The following RESF1 variants were observed in gnomAD, a reference collection of about 807,000 sequenced individuals.
The protein encoded by RESF1 is gonad expressed transcript.
A neutral mutation model predicts 134.7 loss-of-function variants in RESF1; 65 were observed. The ratio of observed to expected loss-of-function variants is 0.48; its 90% CI spans 0.40 to 0.59. The LOEUF is 0.59. Among genes scored for constraint, RESF1 ranks in the 20% least tolerant of loss-of-function variants. RESF1 has a pLI of 0.00. For synonymous variants in RESF1, 762 were observed against 702.2 expected (o/e 1.09, Z -1.35); for missense variants, 2,274 against 2,002.7 (o/e 1.14, Z -2.59).
rs1228202883 is a variant in RESF1 at position 31,992,801 on chromosome 12, ATGC to A, written c.*268_*270del. 1.0e-5 allele frequency: 4 copies of A among 395,204 alleles called. No individual in the cohort carries two copies. The highest frequency in any genetic ancestry group is 8.3e-5 in the African/African-American group (4 of 48,052). The allele number at this position is 395,204 out of a possible 1,614,324, so 24.5% of individuals were successfully genotyped here. A position where few individuals can be genotyped will look rare whatever the true frequency, so the allele number is the denominator to read the frequency against. On this transcript the variant is annotated 3_prime_UTR_variant, in exon 6 of 6. Coordinates refer to ENST00000312561, the MANE Select transcript of RESF1 (RefSeq NM_018169.4). ...CAGATTTACCATTATTTTAAAAGGA[ATGC>A]TTATACAAATCAATTTGAAATTCTA...
At chr12:31,971,184 C>T (rs1385549576) in intron 3 of RESF1, among the ~76,000 whole-genome samples, 6 of 152,102 alleles carry the variant, frequency 3.9e-5, no homozygotes, top group Non-Finnish European at 8.8e-5. Context: ...CTCTTGTTGC[C>T]CAGGCTGGAG....
In RESF1 at chr12:31,977,966, A is replaced by AT. The variant is rs561434821; in HGVS notation, c.-78-2902dup. 7.3e-3 allele frequency among the ~76,000 whole-genome samples: 1,085 copies of AT among 147,782 alleles called. 5 individuals carry two copies. Among genetic ancestry groups the AT allele is most frequent in the Middle Eastern group, 0.014 (4 of 282 alleles). On this transcript the variant is annotated intron_variant, in intron 3 of 5. Coordinates refer to ENST00000312561, the MANE Select transcript of RESF1 (RefSeq NM_018169.4). ...GACAACAGGTGTGCACACCTGGCTA[A>AT]TTTTTTTTTTGTATTTTTGGTAGAG... is the stretch of plus-strand genomic sequence containing the variant.
chr12:31,975,743 C>A (rs1432859638), intron 3 of RESF1, among the ~76,000 whole-genome samples: 3 of 152,184 alleles, frequency 2.0e-5, no homozygotes, highest in African/African-American at 7.2e-5. Context: ...ATGGATTATT[C>A]TTTAATCTCT....
Position 31,981,948 on chromosome 12 carries a change from C to T in RESF1, c.993C>T (p.Val331=). Residue 331 remains valine (V), a synonymous_variant, in exon 4 of 6, where the codon GTC becomes GTT. Transcript: ENST00000312561. Reference sequence around the variant, plus strand: ...AGTGGCAAAACCCTAATGAAAATGTCAGCACAATTGGAAATTTCACTAACT... The same window carrying T: ...AGTGGCAAAACCCTAATGAAAATGTTAGCACAATTGGAAATTTCACTAACT... ...QQQWQNPNEN[V]STIGNFTNLK... 2 of 1,614,196 alleles carry T rather than the reference C, an allele frequency of 1.2e-6. No individual in the cohort carries two copies. The highest frequency in any genetic ancestry group is 1.7e-6 in the Non-Finnish European group (2 of 1,180,032).
intron 2 of RESF1, among the ~76,000 whole-genome samples, chr12:31,967,814 G>C (rs930754509): frequency 7.9e-5 from 12 of 152,096 alleles, no homozygotes; most frequent in African/African-American, 2.9e-4. Context: ...AAAATTCAAA[G>C]TACAATTTCT....
At chr12:31,986,691 G>A (rs1298010102) in intron 4 of RESF1, among the ~76,000 whole-genome samples, 4 of 152,152 alleles carry the variant, frequency 2.6e-5, no homozygotes. Flanking sequence ...TAGACATAGT[G>A]GATATTATAT....
intron 3 of RESF1, among the ~76,000 whole-genome samples, chr12:31,980,108 CTTTTTTT>C (rs61587386): frequency 4.4e-4 from 50 of 114,414 alleles, no homozygotes; most frequent in African/African-American, 1.1e-3. Flanking sequence ...TTTTCTTTTC[CTTTTTTT>C]TTTTTTTTTT....
At position 31,982,363 on chromosome 12, in the gene RESF1, C is replaced by A. The variant is rs182704833; in HGVS notation, c.1408C>A (p.Pro470Thr). 6.2e-7 allele frequency: 1 copy of A among 1,614,064 alleles called. No individual in the cohort carries two copies. Among genetic ancestry groups the A allele is most frequent in the Admixed American group, 1.7e-5 (1 of 60,020 alleles). Reference sequence around the variant, plus strand: ...GCCAGAGAATGCAGAGAGACAAACACCAACAGTAGTGGAATCTGCAGAAAC... The same window carrying A: ...GCCAGAGAATGCAGAGAGACAAACAACAACAGTAGTGGAATCTGCAGAAAC... Reference protein sequence around the residue: ...VMPENAERQTPTVVESAETNK... With the variant: ...VMPENAERQTTTVVESAETNK... Residue 470 changes from proline (P) to threonine (T), a missense_variant, in exon 4 of 6, where the codon CCA becomes ACA. Pro to Thr is a conservative substitution (Grantham distance 38). Transcript: ENST00000312561.
chr12:31,991,351 TA>T (rs1940089312), intron 5 of RESF1, among the ~76,000 whole-genome samples: 1 of 152,204 alleles, frequency 6.6e-6, no homozygotes, highest in Non-Finnish European at 1.5e-5. Context: ...GCTTCAGTGT[TA>T]CTAATTCTGA....
At chr12:31,973,826 A>T (rs966044159) in intron 3 of RESF1, among the ~76,000 whole-genome samples, 32 of 152,086 alleles carry the variant, frequency 2.1e-4, no homozygotes, top group Admixed American at 1.5e-3. Flanking sequence ...ATGTATTTGG[A>T]TTTCTTCCCA....
intron 3 of RESF1, among the ~76,000 whole-genome samples, chr12:31,971,243 A>G (rs1339865872): frequency 6.6e-6 from 1 of 152,192 alleles, no homozygotes; most frequent in Non-Finnish European, 1.5e-5. Context: ...CCCGGATTCA[A>G]GTGATTCTCC....
In RESF1 at chr12:31,982,772, T is replaced by C; in HGVS notation, c.1817T>C (p.Ile606Thr). ...GTATTAAAAGATGCTAATCAAACTA[T>C]TCAGGATTCTAAACCAGACAGTTGT... ...KTVLKDANQTIQDSKPDSCEM... is the reference protein window; with the variant it reads ...KTVLKDANQTTQDSKPDSCEM... Residue 606 changes from isoleucine to threonine, a missense_variant, in exon 4 of 6, where the codon ATT becomes ACT. Ile to Thr is a moderately conservative substitution (Grantham distance 89). Coordinates refer to ENST00000312561, the MANE Select transcript of RESF1 (RefSeq NM_018169.4). 6.2e-7 allele frequency: 1 copy of C among 1,614,122 alleles called. No individual in the cohort carries two copies.
chr12:31,975,739 T>G (rs1381862581), intron 3 of RESF1, among the ~76,000 whole-genome samples: 3 of 152,254 alleles, frequency 2.0e-5, no homozygotes, highest in African/African-American at 7.2e-5. Context: ...AATCATGGAT[T>G]ATTCTTTAAT....
intron 3 of RESF1, among the ~76,000 whole-genome samples, chr12:31,977,598 A>G (rs947855949): frequency 1.3e-5 from 2 of 152,162 alleles, no homozygotes; most frequent in African/African-American, 4.8e-5. Flanking sequence ...TAGATAACCA[A>G]TTGACCTAGC....
chr12:31,961,986 G>A (rs992514055), intron 2 of RESF1, among the ~76,000 whole-genome samples: 8 of 152,176 alleles, frequency 5.3e-5, no homozygotes, highest in Admixed American at 3.9e-4. Flanking sequence ...ACTTTAAGAG[G>A]CTGGGGCAGG....
chr12:31,973,749 G>A (rs1213933958), intron 3 of RESF1, among the ~76,000 whole-genome samples: 3 of 151,960 alleles, frequency 2.0e-5, no homozygotes, highest in African/African-American at 7.2e-5. Flanking sequence ...AATTGCTAGG[G>A]CTGTGTTTGA....
intron 3 of RESF1, among the ~76,000 whole-genome samples, chr12:31,977,507 C>T (rs566781987): frequency 2.6e-5 from 4 of 152,206 alleles, no homozygotes; most frequent in East Asian, 1.9e-4. Flanking sequence ...AACTTTAAAA[C>T]GATAATCTAC....
intron 2 of RESF1, chr12:31,962,460 T>C (rs1170168447): frequency 6.6e-6 from 1 of 152,176 alleles, no homozygotes; most frequent in African/African-American, 2.4e-5. Flanking sequence ...AAATGCTTTG[T>C]TGGGTGGCAA....
intron 5 of RESF1, 35 bp downstream of exon 5, chr12:31,987,357 C>A: frequency 1.7e-6 from 2 of 1,153,406 alleles, no homozygotes; most frequent in Non-Finnish European, 2.6e-6. Context: ...ATTCACTTAT[C>A]TCCCTATCTG....
Sources: allele counts gnomAD v4.1 joint callset (sites outside exome capture counted in the v4.1 genomes callset), GRCh38; gene constraint gnomAD v4.1.1; transcripts MANE v1.5; gene names NCBI Gene and HGNC (gene_info 2026-07-23, HGNC 2026-07-21).